IRAK1BP1: variants seen among roughly 807,000 people sequenced by gnomAD.
IRAK1BP1 encodes the protein interleukin-1 receptor-associated kinase 1-binding protein 1.
In IRAK1BP1, 24 loss-of-function variants were observed where a neutral mutation model predicts 28.0. That is an observed-to-expected ratio of 0.86 (90% CI 0.62 to 1.20). The LOEUF is 1.20. IRAK1BP1 is among the 50% of genes most tolerant of loss of function. The pLI is 0.00. For synonymous variants in IRAK1BP1, 131 were observed against 116.3 expected (o/e 1.13, Z -0.81); for missense variants, 336 against 316.7 (o/e 1.06, Z -0.46).
chr6:78,968,488 C>CG, the IRAK1BP1 span, among the ~76,000 whole-genome samples: 1 of 152,150 alleles, frequency 6.6e-6, no homozygotes, highest in Non-Finnish European at 1.5e-5. Context: ...CTTTTCACAT[C>CG]GGGGGGTTCC....
intron 4 of IRAK1BP1, among the ~76,000 whole-genome samples, chr6:78,927,139 G>A (rs1215415326): frequency 6.6e-6 from 1 of 152,172 alleles, no homozygotes; most frequent in Middle Eastern, 3.4e-3. Flanking sequence ...TCTCCATAGT[G>A]GTTATACTAA....
chr6:78,921,253 G>A (rs761223181), intron 4 of IRAK1BP1, among the ~76,000 whole-genome samples: 20 of 152,284 alleles, frequency 1.3e-4, no homozygotes, highest in Middle Eastern at 6.8e-3. Flanking sequence ...AACGATCTTC[G>A]CAAACGGCAC....
chr6:78,952,693 T>C, the IRAK1BP1 span, among the ~76,000 whole-genome samples: 1 of 152,198 alleles, frequency 6.6e-6, no homozygotes, highest in Non-Finnish European at 1.5e-5. Flanking sequence ...GTCCAGTAAG[T>C]TTAATTTCAG....
intron 2 of IRAK1BP1, among the ~76,000 whole-genome samples, chr6:78,889,009 C>G (rs1459748239): frequency 2.0e-5 from 3 of 148,012 alleles, no homozygotes; most frequent in Non-Finnish European, 4.4e-5. Flanking sequence ...CCCATCTACT[C>G]TGGAAGCTGG....
At chr6:78,896,471 C>T (rs1771886234) in intron 2 of IRAK1BP1, among the ~76,000 whole-genome samples, 1 of 151,912 alleles carries the variant, frequency 6.6e-6, no homozygotes, top group South Asian at 2.1e-4. Context: ...TCAAAGAGCA[C>T]ATACTATATG....
chr6:78,925,880 TC>T (rs1562100706), intron 4 of IRAK1BP1, among the ~76,000 whole-genome samples: 1 of 152,100 alleles, frequency 6.6e-6, no homozygotes, highest in Non-Finnish European at 1.5e-5. Flanking sequence ...CAAAATTATG[TC>T]CTTTGCAGCA....
rs144783677 is a variant in IRAK1BP1, at chr6:78,921,323, A to C, written c.*67+18213A>C. ...CTCCAATGCTCATGAAGCCTCACTCATTGCTAGCAAAGCAGTCTGAGATCA... is the reference window on the plus strand; with the variant it reads ...CTCCAATGCTCATGAAGCCTCACTCCTTGCTAGCAAAGCAGTCTGAGATCA... On this transcript the variant is annotated intron_variant and NMD_transcript_variant, in intron 4 of 4. Coordinates refer to the IRAK1BP1 transcript ENST00000606868. Among the ~76,000 whole-genome samples the C allele has an allele frequency of 4.3e-3, 656 of 152,286 alleles. 4 individuals carry two copies. The highest frequency in any genetic ancestry group is 0.015 in the African/African-American group (620 of 41,566).
intron 4 of IRAK1BP1, among the ~76,000 whole-genome samples, chr6:78,918,486 A>AG (rs1478557610): frequency 6.7e-6 from 1 of 148,806 alleles, no homozygotes. Context: ...CTCAGAGTAA[A>AG]GGGCTGGGGA....
intron 4 of IRAK1BP1, among the ~76,000 whole-genome samples, chr6:78,922,677 G>T (rs970568833): frequency 2.0e-4 from 30 of 152,202 alleles, no homozygotes; most frequent in African/African-American, 7.2e-4. Flanking sequence ...CAGAGAGAAA[G>T]GTCGGGTTAC....
At chr6:78,977,196 A>C in the IRAK1BP1 span, among the ~76,000 whole-genome samples, 48 of 151,114 alleles carry the variant, frequency 3.2e-4, no homozygotes, top group Non-Finnish European at 5.3e-4. Flanking sequence ...CTATGCAGCT[A>C]TAAAAAATGA....
rs539544771 is a variant in IRAK1BP1, at chr6:78,923,761, AACTC to A, written c.*67+20657_*67+20660del. Among the ~76,000 whole-genome samples, 36 of 152,324 alleles carry A rather than the reference AACTC, an allele frequency of 2.4e-4. No individual in the cohort carries two copies. In the South Asian group the frequency reaches 6.4e-3, roughly 27 times the overall value. ...ATCAAACTAGAACTCAGGATTAAGA[AACTC>A]ACTCAAAACCACTCAACTACATGGA... is the stretch of plus-strand genomic sequence containing the variant. On this transcript the variant is annotated intron_variant and NMD_transcript_variant, in intron 4 of 4. Coordinates refer to the IRAK1BP1 transcript ENST00000606868.
At chr6:78,977,763 T>A in the IRAK1BP1 span, among the ~76,000 whole-genome samples, 1 of 152,314 alleles carries the variant, frequency 6.6e-6, no homozygotes, top group East Asian at 1.9e-4. Context: ...AATGTGGTAA[T>A]GTTCTGTGCT....
At chr6:78,894,249 A>G (rs1200450474) in intron 2 of IRAK1BP1, among the ~76,000 whole-genome samples, 4 of 152,240 alleles carry the variant, frequency 2.6e-5, no homozygotes, top group African/African-American at 9.6e-5. Flanking sequence ...ACCCATGTCA[A>G]TAATCACGTT....
At chr6:78,886,500 A>G (rs1051552523) in intron 2 of IRAK1BP1, among the ~76,000 whole-genome samples, 1 of 152,210 alleles carries the variant, frequency 6.6e-6, no homozygotes, top group Admixed American at 6.5e-5. Context: ...TCAAAACAGT[A>G]TGAAGAGCAG....
At chr6:78,948,520 C>T (rs1333272553), downstream of IRAK1BP1, among the ~76,000 whole-genome samples, 1 of 152,008 alleles carries the variant, frequency 6.6e-6, no homozygotes, top group Non-Finnish European at 1.5e-5. Flanking sequence ...TTGGGAGACA[C>T]AGTCTTGCTG....
At chr6:78,931,872 G>C (rs1454434001) in intron 4 of IRAK1BP1, among the ~76,000 whole-genome samples, 4 of 152,008 alleles carry the variant, frequency 2.6e-5, no homozygotes, top group Admixed American at 1.3e-4. Flanking sequence ...TCTTCCTTTC[G>C]CAAAAGATTT....
rs984780768 is a variant in IRAK1BP1 at position 78,899,974 on chromosome 6, T to C, written c.*1640T>C. On this transcript the variant is annotated 3_prime_UTR_variant, in exon 4 of 4. Transcript: ENST00000369940. The stretch of plus-strand genomic sequence containing the variant: ...GAAATATTTTATCTGTATTTAAATT[T>C]CCTAAAATGTACAGTTGAAAAAAAG... 6.6e-6 allele frequency: 1 copy of C among 152,210 alleles called. No individual in the cohort carries two copies. The highest frequency in any genetic ancestry group is 1.5e-5 in the Non-Finnish European group (1 of 68,032). The allele number at this position is 152,210 out of a possible 1,614,324, so 9.4% of individuals were successfully genotyped here.
downstream of IRAK1BP1, among the ~76,000 whole-genome samples, chr6:78,903,690 C>T (rs1335975974): frequency 1.3e-5 from 2 of 151,122 alleles, no homozygotes; most frequent in African/African-American, 4.9e-5. Context: ...AATGCCATGT[C>T]GCTTACCATG....
rs535552700 is a variant in IRAK1BP1 at position 78,923,185 on chromosome 6, T to C, written c.*67+20075T>C. On this transcript the variant is annotated intron_variant and NMD_transcript_variant, in intron 4 of 4. Coordinates refer to the IRAK1BP1 transcript ENST00000606868. ...TGCTGTATTCAGGAAACCCATCTCA[T>C]GTGCAGAGACACACATAGGCTCAAA... Among the ~76,000 whole-genome samples the C allele has an allele frequency of 1.3e-4, 19 of 151,822 alleles. 1 individual carries two copies. In the South Asian group the frequency reaches 1.9e-3, roughly 15 times the overall value.
Sources: allele counts gnomAD v4.1 joint callset (sites outside exome capture counted in the v4.1 genomes callset), GRCh38; gene constraint gnomAD v4.1.1; transcripts MANE v1.5; gene names NCBI Gene and HGNC (gene_info 2026-07-23, HGNC 2026-07-21).